Variants in KCNIP1 observed in about 807,000 individuals in gnomAD.
KCNIP1 encodes the protein potassium voltage-gated channel interacting protein 1.
Under a neutral mutation model 33.0 loss-of-function variants are expected in KCNIP1, and 18 were observed. The ratio of observed to expected loss-of-function variants is 0.55; its 90% CI spans 0.38 to 0.81. KCNIP1 has a LOEUF of 0.81. KCNIP1 is among the 30% of genes least tolerant of loss of function. KCNIP1 has a pLI of 0.00. For synonymous variants in KCNIP1, 93 were observed against 98.3 expected (o/e 0.95, Z 0.32); for missense variants, 238 against 271.6 (o/e 0.88, Z 0.87).
At chr5:170,602,095 C>A (rs1045758813) in intron 1 of KCNIP1, among the ~76,000 whole-genome samples, 1 of 152,246 alleles carries the variant, frequency 6.6e-6, no homozygotes, top group Non-Finnish European at 1.5e-5. Context: ...ACATGCCAAC[C>A]TTTCTGTGAT....
intron 1 of KCNIP1, among the ~76,000 whole-genome samples, chr5:170,692,426 C>T (rs1023274441): frequency 6.6e-6 from 1 of 152,180 alleles, no homozygotes; most frequent in African/African-American, 2.4e-5. Flanking sequence ...TAATAGCTTC[C>T]ATCTCTCTGA....
intron 1 of KCNIP1, among the ~76,000 whole-genome samples, chr5:170,432,016 C>G (rs1174674280): frequency 6.6e-6 from 1 of 151,744 alleles, no homozygotes. Context: ...CTCTCTCTCT[C>G]TCTGTGTCTC....
At chr5:170,541,785 C>A (rs966390149) in intron 1 of KCNIP1, among the ~76,000 whole-genome samples, 2 of 152,176 alleles carry the variant, frequency 1.3e-5, no homozygotes, top group African/African-American at 4.8e-5. Flanking sequence ...GCTTGGCAAG[C>A]CTCTGCACCT....
chr5:170,524,676 A>G (rs1755501537), intron 1 of KCNIP1, among the ~76,000 whole-genome samples: 1 of 142,294 alleles, frequency 7.0e-6, no homozygotes, highest in Non-Finnish European at 1.5e-5. Flanking sequence ...TGGGTGGTGG[A>G]GGGGTGGTAT....
At chr5:170,627,054 C>A (rs1369846088) in intron 1 of KCNIP1, among the ~76,000 whole-genome samples, 1 of 152,166 alleles carries the variant, frequency 6.6e-6, no homozygotes, top group Non-Finnish European at 1.5e-5. Flanking sequence ...GGGCCAGCAT[C>A]CGTGTCTTTC....
At chr5:170,460,254 G>A (rs1046306617) in intron 1 of KCNIP1, among the ~76,000 whole-genome samples, 1 of 152,032 alleles carries the variant, frequency 6.6e-6, no homozygotes, top group Admixed American at 6.5e-5. Flanking sequence ...AATTCTACCA[G>A]ACATTCAAAG....
intron 1 of KCNIP1, among the ~76,000 whole-genome samples, chr5:170,649,199 A>G (rs1760910417): frequency 6.6e-6 from 1 of 152,196 alleles, no homozygotes; most frequent in South Asian, 2.1e-4. Context: ...TAAGAGATAA[A>G]TGCAAAAACA....
At chr5:170,731,747 G>C (rs1306045219) in intron 5 of KCNIP1, among the ~76,000 whole-genome samples, 1 of 149,500 alleles carries the variant, frequency 6.7e-6, no homozygotes, top group African/African-American at 2.5e-5. Context: ...ATACAGATTA[G>C]AAGAGACTAA....
intron 1 of KCNIP1, chr5:170,379,069 C>A: frequency 6.9e-7 from 1 of 1,449,624 alleles, no homozygotes; most frequent in Non-Finnish European, 9.3e-7. Flanking sequence ...GCTTTGTAGT[C>A]GGGCCCCTGG....
Position 170,718,815 on chromosome 5 carries a change from A to G in KCNIP1, c.119A>G (p.Glu40Gly), listed in dbSNP as rs1403646851. 1 of 1,610,888 alleles carries G rather than the reference A, an allele frequency of 6.2e-7. No individual in the cohort carries two copies. Among genetic ancestry groups the G allele is most frequent in the South Asian group, 1.1e-5 (1 of 90,668 alleles). Reference sequence around the variant, plus strand: ...GTTTGCCATCGGCCCGAGGGACTGGAGCAGCTCGAGGCCCAGACCAACTTC... The same window carrying G: ...GTTTGCCATCGGCCCGAGGGACTGGGGCAGCTCGAGGCCCAGACCAACTTC... ...TMVCHRPEGL[E>G]QLEAQTNFTK... Residue 40 changes from glutamate (E) to glycine (G), a missense_variant, in exon 2 of 8, where the codon GAG becomes GGG. Transcript: ENST00000328939.
At chr5:170,388,029 C>T (rs1302477046) in intron 1 of KCNIP1, among the ~76,000 whole-genome samples, 3 of 152,254 alleles carry the variant, frequency 2.0e-5, no homozygotes, top group Admixed American at 6.5e-5. Flanking sequence ...CCCCCCCCAG[C>T]GCCCAGGGCC....
At chr5:170,429,607 A>T (rs1471225232) in intron 1 of KCNIP1, among the ~76,000 whole-genome samples, 1 of 148,984 alleles carries the variant, frequency 6.7e-6, no homozygotes, top group Non-Finnish European at 1.5e-5. Flanking sequence ...CTCATCATCC[A>T]CTCCTCCCCC....
Position 170,504,493 on chromosome 5 carries a change from G to C in KCNIP1, c.-80G>C, listed in dbSNP as rs1292804104. On this transcript the variant is annotated 5_prime_UTR_variant, in exon 1 of 8. An upstream open reading frame in the 5' UTR loses its in-frame stop. Transcript: ENST00000328939. This position sits in a 1 kb window ranked among gnomAD's most constrained non-coding sequence, Gnocchi z 6.0. The stretch of plus-strand genomic sequence containing the variant: ...CTTTTCTCTCCTCCAATTCAGAGTA[G>C]ACAAACCACGGGGATTTCTTTCCAG... 2 of 1,602,292 alleles carry C rather than the reference G, an allele frequency of 1.2e-6. No individual in the cohort carries two copies. The highest frequency in any genetic ancestry group is 1.7e-6 in the Non-Finnish European group (2 of 1,178,758).
At chr5:170,721,964 A>C in intron 4 of KCNIP1, 61 bp downstream of exon 4, 1 of 1,573,834 alleles carries the variant, frequency 6.4e-7, no homozygotes, top group Non-Finnish European at 8.7e-7. Flanking sequence ...CCCCCTCTAA[A>C]TCTCAAGGCA....
At chr5:170,442,737 C>T (rs1973527) in intron 1 of KCNIP1, among the ~76,000 whole-genome samples, 91,659 of 151,994 alleles carry the variant, frequency 0.6, 28,658 homozygotes, top group South Asian at 0.7. Flanking sequence ...GAGAGAGGGG[C>T]TTATGCAGAA....
intron 1 of KCNIP1, among the ~76,000 whole-genome samples, chr5:170,683,889 AGTGTATGTGTGT>A (rs1185546754): frequency 8.7e-4 from 108 of 124,672 alleles, no homozygotes; most frequent in Middle Eastern, 3.7e-3. Flanking sequence ...ATGCCCAGCT[AGTGTATGTGTGT>A]GTGTGTGTGT....
chr5:170,610,347 T>G (rs982161736), intron 1 of KCNIP1, among the ~76,000 whole-genome samples: 3 of 152,226 alleles, frequency 2.0e-5, no homozygotes, highest in African/African-American at 7.2e-5. Context: ...CACCATCATG[T>G]ACTTAATAGG....
At chr5:170,698,152 G>A (rs922592415) in intron 1 of KCNIP1, among the ~76,000 whole-genome samples, 1 of 152,160 alleles carries the variant, frequency 6.6e-6, no homozygotes, top group East Asian at 1.9e-4. Flanking sequence ...CCGCCATGTG[G>A]TAAGCACTGC....
intron 1 of KCNIP1, among the ~76,000 whole-genome samples, chr5:170,549,088 T>C (rs1241077801): frequency 1.3e-5 from 2 of 152,062 alleles, no homozygotes; most frequent in Non-Finnish European, 2.9e-5. Context: ...CTTCACTCCA[T>C]GTCCACTGGA....
Sources: gnomAD v4.1 joint callset for allele counts (sites outside exome capture counted in the v4.1 genomes callset) on GRCh38, gnomAD v4.1.1 for gene constraint, Gnocchi (gnomAD v3.1) non-coding constraint, MANE v1.5 for transcripts, NCBI Gene and HGNC (gene_info 2026-07-23, HGNC 2026-07-21) for gene names.